The following STAU2 variants were observed in gnomAD, a reference collection of about 807,000 sequenced individuals.
STAU2 encodes double-stranded RNA-binding protein Staufen homolog 2.
STAU2 carries 20 observed loss-of-function variants against 65.9 expected under a neutral mutation model. The ratio of observed to expected loss-of-function variants is 0.30; its 90% CI spans 0.21 to 0.44. The LOEUF is 0.44. Ranked by LOEUF, STAU2 falls within the 20% of genes least tolerant of loss-of-function variation. The pLI, the probability that STAU2 is intolerant of heterozygous loss-of-function variation, is 1.00. For synonymous variants in STAU2, 232 were observed against 233.9 expected, an observed-to-expected ratio of 0.99 and a Z score of 0.07; for missense variants, 558 against 683.9, an observed-to-expected ratio of 0.82 and a Z score of 2.05.
intron 3 of STAU2, among the ~76,000 whole-genome samples, chr8:73,709,798 A>C (rs1313819502): frequency 1.3e-5 from 2 of 152,064 alleles, no homozygotes; most frequent in Non-Finnish European, 2.9e-5. Flanking sequence ...TTAAAAAAAA[A>C]ATAAGTGGTA....
chr8:73,535,546 TACAC>T (rs1168491333), intron 13 of STAU2, among the ~76,000 whole-genome samples: 1 of 152,134 alleles, frequency 6.6e-6, no homozygotes, highest in Non-Finnish European at 1.5e-5. Flanking sequence ...AAATTACACT[TACAC>T]ACACACAAAC....
chr8:73,598,823 G>C (rs112099739), intron 10 of STAU2, among the ~76,000 whole-genome samples: 2,005 of 152,180 alleles, frequency 0.013, 37 homozygotes, highest in African/African-American at 0.044. Context: ...AATAAGCTCA[G>C]TATGAAAAAG....
intron 13 of STAU2, chr8:73,439,814 A>G (rs1343294336): frequency 6.6e-6 from 1 of 152,296 alleles, no homozygotes; most frequent in Non-Finnish European, 1.5e-5. Context: ...ACGGAGACCT[A>G]GAGGAAGTCA....
chr8:73,557,407 G>C (rs1807870997), intron 12 of STAU2, among the ~76,000 whole-genome samples: 1 of 152,158 alleles, frequency 6.6e-6, no homozygotes, highest in African/African-American at 2.4e-5. Context: ...ATTCACTTAG[G>C]ATCTTCCTGT....
chr8:73,693,845 A>G (rs1243441071), intron 4 of STAU2, among the ~76,000 whole-genome samples: 2 of 152,268 alleles, frequency 1.3e-5, no homozygotes, highest in South Asian at 2.1e-4. Context: ...TGAGGCTAAT[A>G]AGAACACATG....
chr8:73,695,233 G>A (rs1819620748), intron 4 of STAU2, among the ~76,000 whole-genome samples: 1 of 152,006 alleles, frequency 6.6e-6, no homozygotes, highest in Admixed American at 6.6e-5. Flanking sequence ...GGAGAGTGAA[G>A]AAAAAAGAGA....
At chr8:73,597,595 A>C (rs1257273313) in intron 10 of STAU2, among the ~76,000 whole-genome samples, 1 of 145,880 alleles carries the variant, frequency 6.9e-6, no homozygotes, top group Non-Finnish European at 1.5e-5. Flanking sequence ...GCCTGGACCC[A>C]GGAGAAAGAG....
intron 13 of STAU2, among the ~76,000 whole-genome samples, chr8:73,541,238 G>A (rs1313813023): frequency 6.7e-6 from 1 of 149,982 alleles, no homozygotes; most frequent in Non-Finnish European, 1.5e-5. Flanking sequence ...GGAAATGCCA[G>A]AAAGAAGAAA....
intron 12 of STAU2, among the ~76,000 whole-genome samples, chr8:73,575,775 C>T (rs1163558704): frequency 2.0e-5 from 3 of 149,360 alleles, no homozygotes; most frequent in Non-Finnish European, 4.4e-5. Flanking sequence ...TACATTTATA[C>T]ATATGTATAT....
intron 3 of STAU2, among the ~76,000 whole-genome samples, chr8:73,718,343 C>T (rs1821399823): frequency 6.6e-6 from 1 of 152,168 alleles, no homozygotes; most frequent in Non-Finnish European, 1.5e-5. Context: ...CACTATATGG[C>T]ACTTAAACAT....
At chr8:73,746,877 G>T, upstream of STAU2, 1 of 1,176,396 alleles carries the variant, frequency 8.5e-7, no homozygotes, top group Middle Eastern at 2.8e-4. Flanking sequence ...CACCCCTCGG[G>T]CTCCCCGCCC....
intron 6 of STAU2, among the ~76,000 whole-genome samples, chr8:73,651,916 G>C (rs1301164368): frequency 6.6e-6 from 1 of 152,212 alleles, no homozygotes; most frequent in East Asian, 1.9e-4. Flanking sequence ...CCACGCAAAG[G>C]TTCTGGAGAT....
chr8:73,656,496 C>A (rs1490925420), intron 6 of STAU2, among the ~76,000 whole-genome samples: 1 of 152,214 alleles, frequency 6.6e-6, no homozygotes, highest in African/African-American at 2.4e-5. Context: ...GGGAAATATT[C>A]CAAAACAGTA....
intron 6 of STAU2, among the ~76,000 whole-genome samples, chr8:73,671,561 C>G (rs1057494394): frequency 7.9e-5 from 12 of 151,938 alleles, no homozygotes; most frequent in African/African-American, 2.4e-4. Flanking sequence ...GAATATTCCC[C>G]TTATAGTAAT....
chr8:73,636,862 C>CA (rs202084863), intron 6 of STAU2, among the ~76,000 whole-genome samples: 8,399 of 85,608 alleles, frequency 0.098, 314 homozygotes, highest in Middle Eastern at 0.25. Flanking sequence ...ACTCTGTATT[C>CA]AAAAAAAAAA....
chr8:73,670,206 C>T (rs1162405288), intron 6 of STAU2, among the ~76,000 whole-genome samples: 4 of 152,096 alleles, frequency 2.6e-5, no homozygotes, highest in African/African-American at 7.2e-5. Context: ...GCCTCCTATG[C>T]GGTGTGGACA....
In STAU2 at chr8:73,561,241, T is replaced by A. The variant is rs574084405; in HGVS notation, c.1223-8922A>T. On this transcript the variant is annotated intron_variant, in intron 12 of 14. Transcript: ENST00000524300. ...GGGAAGTGATTGGGGAGTTCAGGAA[T>A]TCCCCAGAAGCGCATTCACCACTCA... Among the ~76,000 whole-genome samples the A allele has an allele frequency of 1.6e-4, 25 of 152,268 alleles. No homozygotes were observed. The South Asian group carries it at 3.3e-3, about 20-fold the overall frequency.
chr8:73,708,604 G>T (rs1464751943), intron 4 of STAU2, among the ~76,000 whole-genome samples: 1 of 152,092 alleles, frequency 6.6e-6, no homozygotes, highest in Non-Finnish European at 1.5e-5. Context: ...TGTCTCACTA[G>T]GTAACTGTTG....
intron 13 of STAU2, among the ~76,000 whole-genome samples, chr8:73,526,792 A>G (rs535923867): frequency 3.9e-5 from 6 of 152,346 alleles, no homozygotes. Context: ...TCAAGCTGCT[A>G]TCTAAACAAT....
Sources: gnomAD v4.1 joint callset for allele counts (sites outside exome capture counted in the v4.1 genomes callset) on GRCh38, gnomAD v4.1.1 for gene constraint, MANE v1.5 for transcripts, NCBI Gene and HGNC (gene_info 2026-07-23, HGNC 2026-07-21) for gene names.